The following ATP2C2 variants were observed in gnomAD, a reference collection of about 807,000 sequenced individuals.
ATP2C2 encodes the protein ATPase secretory pathway Ca2+ transporting 2.
Under a neutral mutation model 110.8 loss-of-function variants are expected in ATP2C2, and 171 were observed. That is an observed-to-expected ratio of 1.54 (90% CI 1.36 to 1.75). The LOEUF (loss-of-function observed/expected upper bound fraction) is 1.75. Among genes scored for constraint, ATP2C2 ranks in the 40% most tolerant of loss-of-function variants. The probability of loss-of-function intolerance (pLI) is 0.00; values close to 1 mark genes in which losing one functional copy is unlikely to be tolerated. For synonymous variants in ATP2C2, 804 were observed against 508.4 expected (o/e 1.58, Z -7.82); for missense variants, 1,963 against 1,235.0 (o/e 1.59, Z -8.84).
In ATP2C2 at chr16:84,459,616, C is replaced by T. The variant is rs544360290; in HGVS notation, c.2333+230C>T. 5.2e-6 allele frequency: 8 copies of T among 1,526,498 alleles called. No individual in the cohort carries two copies. The East Asian group carries it at 7.3e-5, about 14-fold the overall frequency. 94.6% of individuals were successfully genotyped at this position (1,526,498 alleles called of 1,614,324 possible). ...GGGTGAGGATGGAACTTTCTGCTCC[C>T]TCTGCCTGGATGCTCTCTCTGGGCA... is the stretch of plus-strand genomic sequence containing the variant. On this transcript the variant is annotated intron_variant, in intron 23 of 26. Transcript: ENST00000262429.
At chr16:84,374,419 C>T (rs1236015638) in intron 1 of ATP2C2, among the ~76,000 whole-genome samples, 2 of 152,170 alleles carry the variant, frequency 1.3e-5, no homozygotes, top group African/African-American at 2.4e-5. Flanking sequence ...AAGTTGCCCC[C>T]CACCCCGAAA....
chr16:84,435,895 G>A (rs1016968152), intron 11 of ATP2C2, among the ~76,000 whole-genome samples: 2 of 151,890 alleles, frequency 1.3e-5, no homozygotes, highest in South Asian at 2.1e-4. Flanking sequence ...TTGGGAGGCC[G>A]AGGCAGGTGG....
chr16:84,463,815 G>A lies in ATP2C2; in HGVS notation c.*83G>A. 1 of 1,244,536 alleles carries A rather than the reference G, an allele frequency of 8.0e-7. No homozygotes were observed. Among genetic ancestry groups the A allele is most frequent in the Non-Finnish European group, 1.2e-6 (1 of 856,212 alleles). The allele number at this position is 1,244,536 out of a possible 1,614,324, so 77.1% of individuals were successfully genotyped here. ...CCTGCCGTGTCTCCTCGTCAGGGGA[G>A]ACTTTTAGGAGGCCGCAGCCTTCCA... On this transcript the variant is annotated 3_prime_UTR_variant, in exon 27 of 27. Coordinates refer to ENST00000262429, the MANE Select transcript of ATP2C2 (RefSeq NM_014861.4).
intron 6 of ATP2C2, among the ~76,000 whole-genome samples, chr16:84,413,867 AGGG>A (rs1417796094): frequency 1.3e-5 from 2 of 152,174 alleles, no homozygotes; most frequent in African/African-American, 2.4e-5. Flanking sequence ...GCCTGGAGAA[AGGG>A]CACTGAGGTT....
At position 84,411,280 on chromosome 16, in the gene ATP2C2, T is replaced by C. The variant is rs887739321; in HGVS notation, c.515+515T>C. ...CTGCCCACAGTTTTCCATTGGTTAC[T>C]GCACGGCTCTTACCAAAGATGTTTA... is the stretch of plus-strand genomic sequence containing the variant. On this transcript the variant is annotated intron_variant, in intron 6 of 26. Transcript: ENST00000262429. Among the ~76,000 whole-genome samples the C allele has an allele frequency of 8.0e-5, 12 of 150,058 alleles. No homozygotes were observed. In the South Asian group the frequency reaches 2.6e-3, roughly 32 times the overall value.
intron 11 of ATP2C2, among the ~76,000 whole-genome samples, chr16:84,436,763 G>GTTTTTTT (rs10651589): frequency 8.1e-6 from 1 of 124,104 alleles, no homozygotes; most frequent in South Asian, 2.6e-4. Flanking sequence ...AGCGAAGGCT[G>GTTTTTTT]TTTTTTTTTT....
intron 6 of ATP2C2, 30 bp downstream of exon 6, chr16:84,410,795 G>C (rs1257467843): frequency 6.3e-7 from 1 of 1,599,610 alleles, no homozygotes; most frequent in Admixed American, 1.7e-5. Flanking sequence ...GGACTTTTTG[G>C]TTCACTGGAG....
At chr16:84,412,308 G>T (rs1366614704) in intron 6 of ATP2C2, among the ~76,000 whole-genome samples, 2 of 139,834 alleles carry the variant, frequency 1.4e-5, no homozygotes, top group Non-Finnish European at 3.1e-5. Flanking sequence ...GTGTGAGCAT[G>T]TCTGCACGTG....
intron 10 of ATP2C2, among the ~76,000 whole-genome samples, chr16:84,423,506 C>T (rs1907542243): frequency 6.6e-6 from 1 of 152,248 alleles, no homozygotes; most frequent in Admixed American, 6.5e-5. Flanking sequence ...CTTGCTCACA[C>T]CGCAGTCCAA....
chr16:84,460,393 A>C, intron 23 of ATP2C2: 5 of 543,234 alleles, frequency 9.2e-6, no homozygotes, highest in East Asian at 3.3e-5. Flanking sequence ...GGTGTATGGA[A>C]CTGTGTGTGG....
chr16:84,400,476 G>A (rs1905251206), intron 2 of ATP2C2, among the ~76,000 whole-genome samples: 2 of 151,984 alleles, frequency 1.3e-5, no homozygotes, highest in African/African-American at 2.4e-5. Context: ...ACAGGCGCCT[G>A]CCACCATGCC....
Position 84,368,678 on chromosome 16 carries a change from G to A in ATP2C2, c.63G>A (p.Gln21=), listed in dbSNP as rs765229929. Residue 21 remains glutamine, a synonymous_variant, in exon 1 of 27, where the codon CAG becomes CAA. Transcript: ENST00000262429. Reference sequence around the variant, plus strand: ...TCGGCTTCTCGGGCGGGGGCCGCCAGTACCAGGCGCTGGAGAAGGACGAAG... The same window carrying A: ...TCGGCTTCTCGGGCGGGGGCCGCCAATACCAGGCGCTGGAGAAGGACGAAG... ...KKLGFSGGGR[Q]YQALEKDEEE... 5.8e-6 allele frequency: 9 copies of A among 1,558,370 alleles called. No individual in the cohort carries two copies. The highest frequency in any genetic ancestry group is 7.8e-6 in the Non-Finnish European group (9 of 1,154,946).
In ATP2C2 at chr16:84,375,461, A is replaced by C. The variant is rs559524081; in HGVS notation, c.99+6747A>C. 1.1e-3 allele frequency among the ~76,000 whole-genome samples: 160 copies of C among 152,026 alleles called. 2 individuals are homozygous for C. Among genetic ancestry groups the C allele is most frequent in the African/African-American group, 3.8e-3 (158 of 41,498 alleles). The stretch of plus-strand genomic sequence containing the variant: ...GAGGCTGAGGCAGAAGAATCACTTG[A>C]ATCGGGGAGGCACATGTTGCAGTGA... On this transcript the variant is annotated intron_variant, in intron 1 of 26. Coordinates refer to ENST00000262429, the MANE Select transcript of ATP2C2 (RefSeq NM_014861.4).
chr16:84,452,044 C>CT lies in ATP2C2; in HGVS notation c.1785dup (p.Val596CysfsTer115). On this transcript the variant is annotated frameshift_variant, in exon 18 of 27. Transcript: ENST00000262429. LOFTEE classifies it high-confidence loss of function. ...CAGGTTCTCTCCGAGTCTGGTGTGT[C>CT]TGTGAAGATGATAACGGGGGATGCC... 1 of 1,613,506 alleles carries CT rather than the reference C, an allele frequency of 6.2e-7. No homozygotes were observed. Among genetic ancestry groups the CT allele is most frequent in the Non-Finnish European group, 8.5e-7 (1 of 1,179,946 alleles).
chr16:84,378,414 A>C lies in ATP2C2; in HGVS notation c.99+9700A>C, dbSNP rs529395778. Among the ~76,000 whole-genome samples, 4 of 152,268 alleles carry C rather than the reference A, an allele frequency of 2.6e-5. No individual in the cohort carries two copies. In the Middle Eastern group the frequency reaches 0.014, roughly 518 times the overall value. On this transcript the variant is annotated intron_variant, in intron 1 of 26. Transcript: ENST00000262429. The stretch of plus-strand genomic sequence containing the variant: ...GTGGAGGTGTTGGGTGCAAGAATGG[A>C]GGGCAGCATTGGATTCCCCTTCTGA...
chr16:84,459,020 C>A, intron 21 of ATP2C2, 100 bp from the exon 22 acceptor site: 1 of 1,299,818 alleles, frequency 7.7e-7, no homozygotes, highest in Non-Finnish European at 1.1e-6. Flanking sequence ...AGTATAACAT[C>A]AATCTGGGCG....
intron 1 of ATP2C2, among the ~76,000 whole-genome samples, chr16:84,377,266 T>A (rs531689639): frequency 6.6e-6 from 1 of 152,276 alleles, no homozygotes; most frequent in African/African-American, 2.4e-5. Flanking sequence ...GTGGAAATCA[T>A]ATGGTAAGCG....
rs1025933224 is a variant in ATP2C2, at chr16:84,439,691, A to G, written c.1209+167A>G. Among the ~76,000 whole-genome samples the G allele has an allele frequency of 8.5e-5, 13 of 152,282 alleles. No individual in the cohort carries two copies. The South Asian group carries it at 1.5e-3, about 17-fold the overall frequency. On this transcript the variant is annotated intron_variant, in intron 13 of 26. Transcript: ENST00000262429. ...CTGATTTTGTTTTTAATCATCCCAT[A>G]CTTCCTTTTAATAGATATGACCAAT...
chr16:84,381,700 G>T (rs1386741409), intron 1 of ATP2C2, among the ~76,000 whole-genome samples: 1 of 152,198 alleles, frequency 6.6e-6, no homozygotes, highest in Non-Finnish European at 1.5e-5. Context: ...AGTGTATGTG[G>T]GTCAACACAT....
Sources: gnomAD v4.1 joint callset for allele counts (sites outside exome capture counted in the v4.1 genomes callset) on GRCh38, gnomAD v4.1.1 for gene constraint, MANE v1.5 for transcripts, NCBI Gene and HGNC (gene_info 2026-07-23, HGNC 2026-07-21) for gene names.